The following CDYL2 variants were observed in gnomAD, a reference collection of about 807,000 sequenced individuals.
CDYL2 encodes chromodomain Y-like protein 2.
In CDYL2, 23 loss-of-function variants were observed where a neutral mutation model predicts 49.4. That is an observed-to-expected ratio of 0.47 (90% confidence interval 0.34 to 0.66). The LOEUF (loss-of-function observed/expected upper bound fraction) is 0.66, where lower values mean the gene tolerates loss of function less well. Ranked by LOEUF, CDYL2 falls within the 30% of genes least tolerant of loss-of-function variation. CDYL2 has a pLI of 0.01. For synonymous variants in CDYL2, 360 were observed against 268.8 expected, an observed-to-expected ratio of 1.34 and a Z score of -3.32; for missense variants, 678 against 656.4, an observed-to-expected ratio of 1.03 and a Z score of -0.36.
intron 1 of CDYL2, among the ~76,000 whole-genome samples, chr16:80,789,711 T>C (rs895633450): frequency 5.9e-5 from 9 of 152,046 alleles, no homozygotes; most frequent in African/African-American, 2.2e-4. Context: ...AAAATGTCCA[T>C]GGAATATCAT....
At chr16:80,607,084 T>A (rs1315766242) in intron 6 of CDYL2, among the ~76,000 whole-genome samples, 1 of 152,194 alleles carries the variant, frequency 6.6e-6, no homozygotes, top group African/African-American at 2.4e-5. Context: ...TTGGTGACCC[T>A]AGTCATTAGT....
rs1905996896 is a variant in CDYL2, at chr16:80,599,738, AG to A, written c.*4649del. On this transcript the variant is annotated 3_prime_UTR_variant, in exon 7 of 7. Transcript: ENST00000570137. ...GAATCTGGGGCCAACTGCCAGGGTC[AG>A]GAGCAGGAAATGCCATTTGTTCAGA... 1 of 152,238 alleles carries A rather than the reference AG, an allele frequency of 6.6e-6. No individual in the cohort carries two copies. The highest frequency in any genetic ancestry group is 6.5e-5 in the Admixed American group (1 of 15,274). The allele number at this position is 152,238 out of a possible 1,614,324, so 9.4% of individuals were successfully genotyped here. A position where few individuals can be genotyped will look rare whatever the true frequency, so the allele number is the denominator to read the frequency against.
chr16:80,716,870 G>T (rs971211992), intron 1 of CDYL2, among the ~76,000 whole-genome samples: 1 of 151,946 alleles, frequency 6.6e-6, no homozygotes, highest in Non-Finnish European at 1.5e-5. Flanking sequence ...TGTATGGATG[G>T]ATGGATGACT....
rs541849352 is a variant in CDYL2, at chr16:80,772,328, T to G, written c.24+31822A>C. ...AGAAAGTCAAAAGAATAATAACAAT[T>G]TCCAATGGGGCTTAAAATATACAGA... On this transcript the variant is annotated intron_variant, in intron 1 of 6. Transcript: ENST00000570137. 4.3e-4 allele frequency among the ~76,000 whole-genome samples: 66 copies of G among 152,224 alleles called. No homozygotes were observed. The Middle Eastern group carries it at 0.01, about 24-fold the overall frequency.
At chr16:80,736,114 C>A (rs985761287) in intron 1 of CDYL2, among the ~76,000 whole-genome samples, 1 of 152,260 alleles carries the variant, frequency 6.6e-6, no homozygotes, top group Non-Finnish European at 1.5e-5. Context: ...CAGCTGGCCA[C>A]AGGCCCAAGG....
intron 1 of CDYL2, among the ~76,000 whole-genome samples, chr16:80,688,708 T>G (rs1159451711): frequency 6.6e-6 from 1 of 152,228 alleles, no homozygotes; most frequent in Admixed American, 6.5e-5. Context: ...CATCTTTGTG[T>G]AGGTTTCTGA....
At chr16:80,728,157 G>A (rs1195481129) in intron 1 of CDYL2, among the ~76,000 whole-genome samples, 1 of 152,074 alleles carries the variant, frequency 6.6e-6, no homozygotes. Context: ...ACAAGCTACA[G>A]GAGGAAATTC....
chr16:80,794,057 G>C (rs1438601640), intron 1 of CDYL2, among the ~76,000 whole-genome samples: 2 of 152,186 alleles, frequency 1.3e-5, no homozygotes. Context: ...TGATCCTGAA[G>C]TTTGAAATCA....
At chr16:80,682,402 G>C (rs1910002339) in intron 2 of CDYL2, among the ~76,000 whole-genome samples, 1 of 152,156 alleles carries the variant, frequency 6.6e-6, no homozygotes, top group African/African-American at 2.4e-5. Context: ...CCTGCTTGTG[G>C]GGTACCATGC....
chr16:80,789,902 G>T (rs939389961), intron 1 of CDYL2, among the ~76,000 whole-genome samples: 1 of 152,090 alleles, frequency 6.6e-6, no homozygotes, highest in Non-Finnish European at 1.5e-5. Flanking sequence ...AGACACTGGG[G>T]ACTCCAAAAG....
chr16:80,637,055 G>C (rs147021639), intron 2 of CDYL2, among the ~76,000 whole-genome samples: 5,181 of 152,158 alleles, frequency 0.034, 98 homozygotes, highest in Non-Finnish European at 0.039. Flanking sequence ...GCTTGTCTGG[G>C]GGTGGAGTGT....
intron 2 of CDYL2, among the ~76,000 whole-genome samples, chr16:80,669,091 T>C (rs1256070312): frequency 6.6e-6 from 1 of 151,874 alleles, no homozygotes; most frequent in Non-Finnish European, 1.5e-5. Context: ...CTGACAAATT[T>C]GTCTCCTCTT....
intron 2 of CDYL2, among the ~76,000 whole-genome samples, chr16:80,635,194 G>C (rs1457533105): frequency 1.3e-5 from 2 of 152,080 alleles, no homozygotes; most frequent in African/African-American, 4.8e-5. Context: ...TAGGCTAAAA[G>C]AAGAAAAACC....
chr16:80,612,215 G>T lies in CDYL2; in HGVS notation c.1218+411C>A, dbSNP rs554673158. Among the ~76,000 whole-genome samples the T allele has an allele frequency of 6.6e-6, 1 of 152,342 alleles. No individual in the cohort carries two copies. The highest frequency in any genetic ancestry group is 1.9e-4 in the East Asian group (1 of 5,178). The stretch of plus-strand genomic sequence containing the variant: ...CTCTTCTCTCCCATTGGCTGGAAGT[G>T]AGGGCACATTTACTGGACGGGAGAC... On this transcript the variant is annotated intron_variant, in intron 5 of 6. Coordinates refer to ENST00000570137, the MANE Select transcript of CDYL2 (RefSeq NM_152342.4). This position sits in a 1 kb window ranked among gnomAD's most constrained non-coding sequence, Gnocchi z 5.0.
At chr16:80,697,882 G>A (rs1420617053) in intron 1 of CDYL2, among the ~76,000 whole-genome samples, 1 of 151,986 alleles carries the variant, frequency 6.6e-6, no homozygotes, top group Non-Finnish European at 1.5e-5. Context: ...TAAAACATTG[G>A]TGGAAAAAAT....
At chr16:80,726,336 A>T (rs1905161495) in intron 1 of CDYL2, among the ~76,000 whole-genome samples, 1 of 152,264 alleles carries the variant, frequency 6.6e-6, no homozygotes, top group South Asian at 2.1e-4. Context: ...TAAAACAAAG[A>T]CACTGATTTT....
chr16:80,734,509 T>C lies in CDYL2; in HGVS notation c.25-49380A>G, dbSNP rs1026064247. ...CTAGAGTAGCTGTAATTAGAGGACA[T>C]CTAGGTGGAAAGCAACTGGAGAGAA... On this transcript the variant is annotated intron_variant, in intron 1 of 6. Transcript: ENST00000570137. Among the ~76,000 whole-genome samples, 5 of 149,352 alleles carry C rather than the reference T, an allele frequency of 3.3e-5. No homozygotes were observed. In the South Asian group the frequency reaches 6.4e-4, roughly 19 times the overall value.
At chr16:80,720,907 G>C (rs1904976606) in intron 1 of CDYL2, among the ~76,000 whole-genome samples, 1 of 152,058 alleles carries the variant, frequency 6.6e-6, no homozygotes, top group Admixed American at 6.6e-5. Context: ...GTCACAAGTG[G>C]GGTAACTTAT....
Position 80,651,404 on chromosome 16 carries a change from G to C in CDYL2, c.617-18168C>G, listed in dbSNP as rs907589506. Among the ~76,000 whole-genome samples, 23 of 152,256 alleles carry C rather than the reference G, an allele frequency of 1.5e-4. No individual in the cohort carries two copies. The South Asian group carries it at 4.6e-3, about 30-fold the overall frequency. ...CTAGTAAAAGCAAAAGTATAAAAAG[G>C]TAAAAAGATCAGTGGTTGCTAGAGG... On this transcript the variant is annotated intron_variant, in intron 2 of 6. Coordinates refer to ENST00000570137, the MANE Select transcript of CDYL2 (RefSeq NM_152342.4).
Sources: gnomAD v4.1 joint callset for allele counts (sites outside exome capture counted in the v4.1 genomes callset) on GRCh38, gnomAD v4.1.1 for gene constraint, Gnocchi (gnomAD v3.1) non-coding constraint, MANE v1.5 for transcripts, NCBI Gene and HGNC (gene_info 2026-07-23, HGNC 2026-07-21) for gene names.